The following VPS13B variants were observed in gnomAD, a reference collection of about 807,000 sequenced individuals.
VPS13B encodes the protein intermembrane lipid transfer protein VPS13B.
A neutral mutation model predicts 426.4 loss-of-function variants in VPS13B; 285 were observed. The observed-to-expected ratio is 0.67, with a 90% CI of 0.61 to 0.74. The LOEUF (loss-of-function observed/expected upper bound fraction) is 0.74. Among genes scored for constraint, VPS13B ranks in the 30% least tolerant of loss-of-function variants. VPS13B has a pLI of 0.00. For missense variants in VPS13B, 4,537 were observed against 4,782.6 expected (o/e 0.95, Z 1.51); for synonymous variants, 1,676 against 1,676.4 (o/e 1.00, Z 0.01).
intron 3 of VPS13B, among the ~76,000 whole-genome samples, chr8:99,044,998 T>C (rs113409256): frequency 1.4e-3 from 217 of 150,492 alleles, no homozygotes; most frequent in African/African-American, 4.8e-3. Flanking sequence ...GCTATAAACA[T>C]GTGTGTGCTT....
intron 35 of VPS13B, among the ~76,000 whole-genome samples, chr8:99,688,436 A>C (rs1372230624): frequency 6.6e-6 from 1 of 152,086 alleles, no homozygotes. Context: ...TAAAATTGAC[A>C]GAACTTAATC....
intron 2 of VPS13B, among the ~76,000 whole-genome samples, chr8:99,022,575 C>T (rs1563488118): frequency 6.6e-6 from 1 of 151,906 alleles, no homozygotes; most frequent in East Asian, 1.9e-4. Context: ...AGTGTGTATT[C>T]TGCACTTGTT....
intron 57 of VPS13B, among the ~76,000 whole-genome samples, chr8:99,861,425 C>G (rs1816825237): frequency 6.6e-6 from 1 of 152,224 alleles, no homozygotes; most frequent in Non-Finnish European, 1.5e-5. Context: ...CCTCAGCCCC[C>G]TGAGTAGCTG....
At chr8:99,458,186 T>G (rs971218763) in intron 23 of VPS13B, among the ~76,000 whole-genome samples, 2 of 151,788 alleles carry the variant, frequency 1.3e-5, no homozygotes, top group African/African-American at 4.8e-5. Flanking sequence ...TTTGTCCTTG[T>G]GATAGTTTGC....
At chr8:99,656,340 A>G (rs1830016861) in intron 34 of VPS13B, among the ~76,000 whole-genome samples, 1 of 152,210 alleles carries the variant, frequency 6.6e-6, no homozygotes, top group African/African-American at 2.4e-5. Context: ...GCATAGGGAC[A>G]GGAGCGTAAA....
At chr8:99,269,772 T>C (rs946241265) in intron 17 of VPS13B, among the ~76,000 whole-genome samples, 1 of 152,218 alleles carries the variant, frequency 6.6e-6, no homozygotes, top group African/African-American at 2.4e-5. Flanking sequence ...TACTCCTTTC[T>C]GCCTTTCTAT....
chr8:99,458,933 A>G (rs990126763), intron 23 of VPS13B, among the ~76,000 whole-genome samples: 7 of 151,938 alleles, frequency 4.6e-5, no homozygotes, highest in Non-Finnish European at 7.4e-5. Flanking sequence ...ATTAGATCCC[A>G]TTTGTCAATT....
At chr8:99,428,952 A>G (rs1816913848) in intron 21 of VPS13B, among the ~76,000 whole-genome samples, 2 of 152,298 alleles carry the variant, frequency 1.3e-5, no homozygotes, top group African/African-American at 4.8e-5. Flanking sequence ...ATGCAGCCAT[A>G]AAAAATGATG....
At chr8:99,730,631 C>T (rs781483849) in intron 39 of VPS13B, among the ~76,000 whole-genome samples, 4 of 151,890 alleles carry the variant, frequency 2.6e-5, no homozygotes, top group Non-Finnish European at 5.9e-5. Flanking sequence ...GAGAGAGAGA[C>T]ACAAAAGTGG....
At chr8:99,708,453 GGAAA>G (rs1832577423) in intron 36 of VPS13B, among the ~76,000 whole-genome samples, 2 of 151,920 alleles carry the variant, frequency 1.3e-5, no homozygotes, top group Non-Finnish European at 2.9e-5. Context: ...TTTTTTTATG[GGAAA>G]GAAACACTCC....
chr8:99,431,420 T>C, intron 21 of VPS13B, 117 bp from the exon 22 acceptor site: 2 of 1,291,286 alleles, frequency 1.5e-6, no homozygotes, highest in South Asian at 2.7e-5. Flanking sequence ...ATTCATAATC[T>C]CATATAAAAA....
chr8:99,528,149 A>G (rs1226191561), intron 30 of VPS13B, among the ~76,000 whole-genome samples: 1 of 152,024 alleles, frequency 6.6e-6, no homozygotes, highest in African/African-American at 2.4e-5. Context: ...TATACTTCCT[A>G]TGTCTTTTCT....
chr8:99,410,676 C>T (rs536849460), intron 21 of VPS13B, among the ~76,000 whole-genome samples: 19 of 152,062 alleles, frequency 1.2e-4, no homozygotes, highest in Non-Finnish European at 2.2e-4. Context: ...TACCCGTCAT[C>T]TACATTAGGT....
At chr8:99,158,770 G>A (rs989147611) in intron 15 of VPS13B, among the ~76,000 whole-genome samples, 1 of 152,030 alleles carries the variant, frequency 6.6e-6, no homozygotes, top group Non-Finnish European at 1.5e-5. Context: ...TAGCGCTCAC[G>A]GACAATGCTC....
At chr8:99,251,746 G>A (rs1311085313) in intron 17 of VPS13B, among the ~76,000 whole-genome samples, 4 of 152,038 alleles carry the variant, frequency 2.6e-5, no homozygotes, top group Admixed American at 2.6e-4. Flanking sequence ...GTGTAGAAGA[G>A]ATGTTAATTC....
At chr8:99,300,674 G>C (rs1460979614) in intron 19 of VPS13B, among the ~76,000 whole-genome samples, 2 of 152,086 alleles carry the variant, frequency 1.3e-5, no homozygotes, top group African/African-American at 4.8e-5. Context: ...TCTCTTCCCA[G>C]TTCCTTTTCT....
intron 19 of VPS13B, among the ~76,000 whole-genome samples, chr8:99,305,299 A>G (rs1820577114): frequency 6.6e-6 from 1 of 152,156 alleles, no homozygotes; most frequent in African/African-American, 2.4e-5. Flanking sequence ...ACCAATAAAA[A>G]TAATAACTAG....
At chr8:99,084,270 G>C (rs1845645512) in intron 3 of VPS13B, among the ~76,000 whole-genome samples, 1 of 152,122 alleles carries the variant, frequency 6.6e-6, no homozygotes, top group South Asian at 2.1e-4. Context: ...TCTGATGATA[G>C]TTTGTATTTC....
chr8:99,017,217 A>G (rs1314781395), intron 2 of VPS13B, among the ~76,000 whole-genome samples: 1 of 152,102 alleles, frequency 6.6e-6, no homozygotes, highest in Non-Finnish European at 1.5e-5. Context: ...ATTGATAGTC[A>G]GTTGATCTAT....
Sources: allele counts gnomAD v4.1 joint callset (sites outside exome capture counted in the v4.1 genomes callset), GRCh38; gene constraint gnomAD v4.1.1; transcripts MANE v1.5; gene names NCBI Gene and HGNC (gene_info 2026-07-23, HGNC 2026-07-21).